Variants in MED13L observed in about 807,000 individuals in gnomAD.
MED13L encodes the protein mediator of RNA polymerase II transcription subunit 13-like.
In MED13L, 7 loss-of-function variants were observed where a neutral mutation model predicts 220.9. The observed-to-expected ratio is 0.03, with a 90% CI of 0.02 to 0.06. The LOEUF (loss-of-function observed/expected upper bound fraction) is 0.06, where lower values mean the gene tolerates loss of function less well. Among genes scored for constraint, MED13L ranks in the 10% least tolerant of loss-of-function variants. The probability of loss-of-function intolerance (pLI) is 1.00; values close to 1 mark genes in which losing one functional copy is unlikely to be tolerated. For missense variants in MED13L, 1,965 were observed against 2,760.5 expected (o/e 0.71, Z 6.46); for synonymous variants, 1,011 against 1,015.2 (o/e 1.00, Z 0.08).
chr12:116,176,105 G>C (rs1880044585), intron 2 of MED13L, among the ~76,000 whole-genome samples: 1 of 152,116 alleles, frequency 6.6e-6, no homozygotes, highest in Non-Finnish European at 1.5e-5. Context: ...AATAAAACTG[G>C]ATAAGGACTC....
chr12:116,234,807 G>A (rs547853480), intron 2 of MED13L, among the ~76,000 whole-genome samples: 5 of 151,840 alleles, frequency 3.3e-5, no homozygotes, highest in African/African-American at 1.2e-4. Flanking sequence ...ACAGGTGCAC[G>A]TCACCACACC....
intron 3 of MED13L, among the ~76,000 whole-genome samples, chr12:116,109,883 T>C (rs1873926880): frequency 6.6e-6 from 1 of 152,190 alleles, no homozygotes; most frequent in African/African-American, 2.4e-5. Context: ...AAGTTGAGAA[T>C]GAGAAATAGA....
At chr12:116,091,729 A>C (rs1376939205) in intron 4 of MED13L, among the ~76,000 whole-genome samples, 2 of 152,238 alleles carry the variant, frequency 1.3e-5, no homozygotes, top group Non-Finnish European at 2.9e-5. Context: ...CCAATGTTAT[A>C]GTCACCATGA....
intron 1 of MED13L, among the ~76,000 whole-genome samples, chr12:116,260,460 G>A (rs1872425945): frequency 6.6e-6 from 1 of 152,158 alleles, no homozygotes; most frequent in Admixed American, 6.5e-5. Flanking sequence ...GGAAAAGGGG[G>A]TATGGAGAGA....
intron 2 of MED13L, among the ~76,000 whole-genome samples, chr12:116,210,555 ATATATATATATATATAT>A (rs2138349257): frequency 2.1e-5 from 1 of 48,268 alleles, no homozygotes; most frequent in African/African-American, 8.4e-5. Context: ...CGTAACCTAT[ATATATATATATATATAT>A]ATATATATAT....
At chr12:116,053,351 T>A (rs1469448427) in intron 4 of MED13L, among the ~76,000 whole-genome samples, 1 of 152,100 alleles carries the variant, frequency 6.6e-6, no homozygotes, top group Non-Finnish European at 1.5e-5. Flanking sequence ...GAAGAAAAGC[T>A]TAGGTCTGTA....
chr12:116,028,616 CTT>C (rs1476667286), intron 4 of MED13L, among the ~76,000 whole-genome samples: 1 of 152,160 alleles, frequency 6.6e-6, no homozygotes, highest in Non-Finnish European at 1.5e-5. Context: ...CACAATGTAA[CTT>C]AAACTAGTCC....
intron 2 of MED13L, among the ~76,000 whole-genome samples, chr12:116,130,222 A>C (rs1875954611): frequency 6.6e-6 from 1 of 152,212 alleles, no homozygotes; most frequent in Non-Finnish European, 1.5e-5. Context: ...GCCACACTGG[A>C]ATAACATAAA....
chr12:115,996,741 T>C, intron 15 of MED13L, 60 bp from the exon 16 acceptor site: 1 of 1,428,510 alleles, frequency 7.0e-7, no homozygotes, highest in African/African-American at 1.4e-5. Flanking sequence ...CACACCACAG[T>C]GGCATAGTGC....
At position 115,980,948 on chromosome 12, in the gene MED13L, C is replaced by G. The variant is rs997691549; in HGVS notation, c.5176-10G>C. ...ACTGGCAAGGCACAATCTAAAGACA[C>G]AAATACAAAAAAAAAACAAAAACCA... On this transcript the variant is annotated splice_polypyrimidine_tract_variant and intron_variant, in intron 22 of 30. Transcript: ENST00000281928. 6.3e-7 allele frequency: 1 copy of G among 1,588,698 alleles called. No homozygotes were observed. The highest frequency in any genetic ancestry group is 2.2e-5 in the East Asian group (1 of 44,558).
chr12:116,240,065 A>C (rs1045553718), intron 1 of MED13L, among the ~76,000 whole-genome samples: 1 of 151,802 alleles, frequency 6.6e-6, no homozygotes, highest in Non-Finnish European at 1.5e-5. Flanking sequence ...TATTTCTTTC[A>C]CTTTGAGTTG....
intron 1 of MED13L, among the ~76,000 whole-genome samples, chr12:116,250,368 T>C (rs934738622): frequency 6.6e-6 from 1 of 151,724 alleles, no homozygotes; most frequent in Non-Finnish European, 1.5e-5. Context: ...TTTTTTTTTT[T>C]ATTTCTTCAG....
At chr12:116,108,041 G>A (rs545082419) in intron 3 of MED13L, among the ~76,000 whole-genome samples, 8 of 151,804 alleles carry the variant, frequency 5.3e-5, no homozygotes, top group Non-Finnish European at 8.8e-5. Context: ...AGTGAGCCGA[G>A]ATCGTGCCAC....
At chr12:116,089,410 G>A (rs1401583492) in intron 4 of MED13L, among the ~76,000 whole-genome samples, 1 of 152,130 alleles carries the variant, frequency 6.6e-6, no homozygotes, top group Non-Finnish European at 1.5e-5. Context: ...AAATGGAAAT[G>A]AAAAGGATGA....
chr12:116,229,570 T>C (rs1869347733), intron 2 of MED13L, among the ~76,000 whole-genome samples: 1 of 152,224 alleles, frequency 6.6e-6, no homozygotes, highest in Non-Finnish European at 1.5e-5. Context: ...TTGCCTGTGG[T>C]AACACATCGA....
intron 27 of MED13L, among the ~76,000 whole-genome samples, chr12:115,969,345 A>G (rs1555240942): frequency 6.6e-6 from 1 of 152,234 alleles, no homozygotes; most frequent in Non-Finnish European, 1.5e-5. Flanking sequence ...AGAATATAAC[A>G]TAAAAACCTA....
At chr12:116,164,661 A>T (rs1879121938) in intron 2 of MED13L, among the ~76,000 whole-genome samples, 1 of 152,184 alleles carries the variant, frequency 6.6e-6, no homozygotes, top group Non-Finnish European at 1.5e-5. Flanking sequence ...AGCACCATGG[A>T]TTGACCACTG....
At chr12:116,130,679 T>C (rs570455087) in intron 2 of MED13L, among the ~76,000 whole-genome samples, 1 of 150,888 alleles carries the variant, frequency 6.6e-6, no homozygotes, top group South Asian at 2.1e-4. Context: ...CAACTTCCTG[T>C]GATGTACTGT....
In MED13L at chr12:115,982,537, A is replaced by G. The variant is rs1360826830; in HGVS notation, c.5022T>C (p.Pro1674=). The part of the protein sequence containing the change: ...EPDSADSHAH[P]PAVVIYMVDP... Reference sequence around the variant, plus strand: ...CCACCATGTAAATGACAACAGCTGGAGGGTGGGCATGGCTGTCTGCAGAGT... The same window carrying G: ...CCACCATGTAAATGACAACAGCTGGGGGGTGGGCATGGCTGTCTGCAGAGT... The change falls in exon 22 of 31, where the codon CCT becomes CCC. Residue 1674 remains proline, a synonymous_variant. Coordinates refer to ENST00000281928, the MANE Select transcript of MED13L (RefSeq NM_015335.5). The G allele has an allele frequency of 6.2e-7, 1 of 1,614,118 alleles. No homozygotes were observed. Among genetic ancestry groups the G allele is most frequent in the Admixed American group, 1.7e-5 (1 of 60,020 alleles).
Sources: gnomAD v4.1 joint callset for allele counts (sites outside exome capture counted in the v4.1 genomes callset) on GRCh38, gnomAD v4.1.1 for gene constraint, MANE v1.5 for transcripts, NCBI Gene and HGNC (gene_info 2026-07-23, HGNC 2026-07-21) for gene names.